HECTD4: variants seen among roughly 807,000 people sequenced by gnomAD.
HECTD4 encodes the protein HECT domain E3 ubiquitin protein ligase 4.
A neutral mutation model predicts 471.5 loss-of-function variants in HECTD4; 114 were observed. The observed-to-expected ratio is 0.24, with a 90% CI of 0.21 to 0.28. The LOEUF is 0.28. Ranked by LOEUF, HECTD4 falls within the 10% of genes least tolerant of loss-of-function variation. The pLI is 1.00. For synonymous variants in HECTD4, 2,012 were observed against 2,256.0 expected (o/e 0.89, Z 3.07); for missense variants, 3,866 against 5,651.5 (o/e 0.68, Z 10.13).
intron 69 of HECTD4, 177 bp from the exon 70 acceptor site, chr12:112,169,835 C>A: frequency 1.4e-6 from 1 of 709,306 alleles, no homozygotes; most frequent in Non-Finnish European, 2.4e-6. Flanking sequence ...TGCCTTAGCA[C>A]TCATGGCTCC....
At chr12:112,345,414 C>G (rs1272754623) in intron 1 of HECTD4, among the ~76,000 whole-genome samples, 3 of 151,984 alleles carry the variant, frequency 2.0e-5, no homozygotes, top group African/African-American at 7.2e-5. Flanking sequence ...AACAAGCAAA[C>G]CTTAATAGTA....
chr12:112,380,818 T>C (rs1177902295), intron 1 of HECTD4, among the ~76,000 whole-genome samples: 9 of 152,224 alleles, frequency 5.9e-5, no homozygotes, highest in Admixed American at 1.3e-4. Context: ...ATCCGATCAC[T>C]GCCGTTTCCA....
At chr12:112,352,380 G>C (rs935523550) in intron 1 of HECTD4, among the ~76,000 whole-genome samples, 10 of 150,290 alleles carry the variant, frequency 6.7e-5, no homozygotes, top group Non-Finnish European at 2.9e-5. Context: ...TTGTTGCCCA[G>C]GCTGGAGTGC....
chr12:112,382,337 G>A lies in HECTD4; in HGVS notation c.-209C>T, dbSNP rs1302097978. 1.8e-5 allele frequency: 7 copies of A among 394,692 alleles called. No individual in the cohort carries two copies. The highest frequency in any genetic ancestry group is 4.5e-5 in the South Asian group (1 of 22,370). 24.4% of individuals were successfully genotyped at this position (394,692 alleles called of 1,614,324 possible). A position where few individuals can be genotyped will look rare whatever the true frequency, so the allele number is the denominator to read the frequency against. Reference sequence around the variant, plus strand: ...GGGAGACCCCGGCCCTGCCGCCGCCGCCGCCGCCGCCGCCGCCGCCGCCCT... The same window carrying A: ...GGGAGACCCCGGCCCTGCCGCCGCCACCGCCGCCGCCGCCGCCGCCGCCCT... On this transcript the variant is annotated 5_prime_UTR_variant, in exon 1 of 76. Transcript: ENST00000682272.
chr12:112,219,489 C>T lies in HECTD4; in HGVS notation c.6971G>A (p.Gly2324Glu). ...TACCTCCACAACTGCAAGTCGCTCT[C>T]CTGTAGAGGGCACATGTTGAATCTG... The part of the protein sequence containing the change: ...LNLVAQECSA[G>E]ERLAVVEVQC... The change falls in exon 45 of 76, where the codon GGA becomes GAA. Residue 2324 changes from glycine to glutamate, a missense_variant and splice_region_variant. Gly to Glu is a moderately conservative substitution (Grantham distance 98). Around this residue, in one of 16 missense-constraint regions of HECTD4, gnomAD observed 617 missense variants for 915.1 expected, o/e 0.67. Transcript: ENST00000682272. The T allele has an allele frequency of 2.5e-6, 4 of 1,610,134 alleles. No individual in the cohort carries two copies. Among genetic ancestry groups the T allele is most frequent in the Non-Finnish European group, 3.4e-6 (4 of 1,177,012 alleles).
intron 44 of HECTD4, among the ~76,000 whole-genome samples, chr12:112,224,555 C>T (rs534599173): frequency 3.3e-5 from 5 of 152,188 alleles, no homozygotes; most frequent in Admixed American, 2.0e-4. Flanking sequence ...CATGAGCCAC[C>T]GCGCCCGGCC....
chr12:112,241,543 C>T (rs953842697), intron 32 of HECTD4, among the ~76,000 whole-genome samples: 3 of 152,292 alleles, frequency 2.0e-5, no homozygotes. Context: ...CTTACTGCAG[C>T]CTCAAGCTCC....
intron 1 of HECTD4, among the ~76,000 whole-genome samples, chr12:112,334,711 G>A (rs1266207020): frequency 6.7e-6 from 1 of 150,344 alleles, no homozygotes; most frequent in Non-Finnish European, 1.5e-5. Flanking sequence ...TCGAGAGGCT[G>A]AGGCAGGAGA....
At chr12:112,363,929 T>C (rs950615656) in intron 1 of HECTD4, among the ~76,000 whole-genome samples, 3 of 144,872 alleles carry the variant, frequency 2.1e-5, no homozygotes, top group South Asian at 4.3e-4. Flanking sequence ...TGAGCAGAGG[T>C]TGCAGTAAGC....
chr12:112,255,969 G>C (rs2033999731), intron 21 of HECTD4, among the ~76,000 whole-genome samples: 1 of 152,196 alleles, frequency 6.6e-6, no homozygotes, highest in South Asian at 2.1e-4. Flanking sequence ...CTTTCTAGAT[G>C]AATGGACATC....
chr12:112,170,109 T>G (rs1176050064), intron 69 of HECTD4: 3 of 607,690 alleles, frequency 4.9e-6, no homozygotes, highest in Non-Finnish European at 8.6e-6. Flanking sequence ...CCTGACCCCA[T>G]GCAGCTGGGT....
At chr12:112,264,580 C>A (rs2034224940) in intron 16 of HECTD4, among the ~76,000 whole-genome samples, 1 of 151,784 alleles carries the variant, frequency 6.6e-6, no homozygotes. Context: ...GTTTAGAAAA[C>A]AATGTAAAAT....
chr12:112,189,118 C>CA (rs751282762), intron 60 of HECTD4, among the ~76,000 whole-genome samples: 48 of 152,272 alleles, frequency 3.2e-4, no homozygotes, highest in South Asian at 1.7e-3. Context: ...CTCAGCCTCT[C>CA]AAAGTGCTGG....
chr12:112,301,539 G>C (rs925488727), intron 7 of HECTD4, among the ~76,000 whole-genome samples: 2 of 151,974 alleles, frequency 1.3e-5, no homozygotes, highest in African/African-American at 4.8e-5. Flanking sequence ...TCTCTTTTTG[G>C]AACTCCTATT....
chr12:112,221,700 T>C (rs554378775), intron 44 of HECTD4, among the ~76,000 whole-genome samples: 123 of 152,172 alleles, frequency 8.1e-4, no homozygotes, highest in African/African-American at 2.9e-3. Flanking sequence ...GGAGGGAAGA[T>C]CACTTGAGCC....
chr12:112,216,470 A>T, intron 47 of HECTD4, 99 bp from the exon 48 acceptor site: 1 of 798,348 alleles, frequency 1.3e-6, no homozygotes, highest in Non-Finnish European at 2.1e-6. Context: ...GGGGGTGGTC[A>T]GCATTGTGAG....
rs116556266 is a variant in HECTD4, at chr12:112,234,991, G to A, written c.5915+86C>T. The A allele has an allele frequency of 4.7e-4, 575 of 1,222,644 alleles. 1 individual carries two copies. In the African/African-American group the frequency reaches 7.0e-3, roughly 15 times the overall value. 75.7% of individuals were successfully genotyped at this position (1,222,644 alleles called of 1,614,324 possible). On this transcript the variant is annotated intron_variant, in intron 37 of 75. Transcript: ENST00000682272. ...GGGTGTAAAGAGGGCCGAGGCAGTC[G>A]ATACATGTACAGGGCTTACTTAGCA...
intron 1 of HECTD4, among the ~76,000 whole-genome samples, chr12:112,334,891 C>T (rs1010892851): frequency 3.3e-5 from 5 of 151,612 alleles, no homozygotes; most frequent in Non-Finnish European, 5.9e-5. Context: ...AGGAACACTT[C>T]TGCATTGCTG....
At position 112,260,831 on chromosome 12, in the gene HECTD4, T is replaced by G. The variant is rs144227699; in HGVS notation, c.2873+474A>C. 1.1e-3 allele frequency among the ~76,000 whole-genome samples: 171 copies of G among 151,742 alleles called. 1 individual carries two copies. The highest frequency in any genetic ancestry group is 3.4e-3 in the Middle Eastern group (1 of 294). On this transcript the variant is annotated intron_variant, in intron 18 of 75. Transcript: ENST00000682272. ...AGGCTGAGAAAGGGCTTTATTACTG[T>G]GAAAGAGAAGTCTGCCCTCTATATA...
Sources: allele counts gnomAD v4.1 joint callset (sites outside exome capture counted in the v4.1 genomes callset), GRCh38; gene constraint gnomAD v4.1.1; regional missense constraint gnomAD v4.1.1; transcripts MANE v1.5; gene names NCBI Gene and HGNC (gene_info 2026-07-23, HGNC 2026-07-21).